WWC2: variants seen among roughly 807,000 people sequenced by gnomAD.
The protein encoded by WWC2 is WW and C2 domain containing 2.
Under a neutral mutation model 138.5 loss-of-function variants are expected in WWC2, and 101 were observed. The ratio of observed to expected loss-of-function variants is 0.73; its 90% CI spans 0.62 to 0.86. The LOEUF is 0.86. WWC2 is among the 40% of genes least tolerant of loss of function. WWC2 has a pLI of 0.00. For missense variants in WWC2, 1,420 were observed against 1,419.4 expected (o/e 1.00, Z -0.01); for synonymous variants, 558 against 538.4 (o/e 1.04, Z -0.50).
At chr4:183,269,671 A>T in intron 15 of WWC2, 1 of 359,044 alleles carries the variant, frequency 2.8e-6, no homozygotes, top group Non-Finnish European at 5.5e-6. Context: ...ATCCCCACAT[A>T]ATTACATAAT....
intron 1 of WWC2, among the ~76,000 whole-genome samples, chr4:183,156,552 G>T (rs1050035105): frequency 1.3e-5 from 2 of 151,730 alleles, no homozygotes; most frequent in African/African-American, 4.8e-5. Flanking sequence ...GACTGTTTTC[G>T]AACTCCTGAC....
At chr4:183,244,025 C>G (rs931193840) in intron 5 of WWC2, among the ~76,000 whole-genome samples, 1 of 151,886 alleles carries the variant, frequency 6.6e-6, no homozygotes, top group South Asian at 2.1e-4. Context: ...TCAGATTATA[C>G]CTTTCACATT....
At chr4:183,125,044 C>T (rs750224062) in intron 1 of WWC2, among the ~76,000 whole-genome samples, 13 of 152,154 alleles carry the variant, frequency 8.5e-5, no homozygotes, top group Admixed American at 3.9e-4. Context: ...GGAGGGGACC[C>T]GGGGCTATGA....
chr4:183,285,245 T>C (rs1355028846), intron 19 of WWC2, among the ~76,000 whole-genome samples: 1 of 152,118 alleles, frequency 6.6e-6, no homozygotes, highest in Non-Finnish European at 1.5e-5. Context: ...TCAGTAAAGA[T>C]TTGAAGCAGA....
intron 4 of WWC2, among the ~76,000 whole-genome samples, chr4:183,232,491 G>A (rs575471161): frequency 1.8e-4 from 27 of 152,172 alleles, no homozygotes; most frequent in African/African-American, 6.3e-4. Context: ...CGATGTGCCT[G>A]TTACAGACAT....
intron 4 of WWC2, among the ~76,000 whole-genome samples, chr4:183,211,983 G>A (rs1232004900): frequency 2.0e-5 from 3 of 151,830 alleles, no homozygotes; most frequent in South Asian, 2.1e-4. Flanking sequence ...CACCACGCCC[G>A]GCTAATTTTT....
intron 1 of WWC2, among the ~76,000 whole-genome samples, chr4:183,158,423 T>G (rs561794754): frequency 6.6e-6 from 1 of 151,796 alleles, no homozygotes; most frequent in East Asian, 2.0e-4. Flanking sequence ...GAGACCTGTC[T>G]CCTGGGCTTG....
chr4:183,109,691 G>A (rs1397726723), intron 1 of WWC2, among the ~76,000 whole-genome samples: 2 of 152,164 alleles, frequency 1.3e-5, no homozygotes, highest in African/African-American at 4.8e-5. Context: ...CTTCTGTGCG[G>A]CCCAGTTCCT....
At chr4:183,172,107 A>G (rs1385922760) in intron 1 of WWC2, among the ~76,000 whole-genome samples, 1 of 152,180 alleles carries the variant, frequency 6.6e-6, no homozygotes, top group Admixed American at 6.5e-5. Context: ...TGTGGCCAGA[A>G]TTATAAATCT....
intron 1 of WWC2, among the ~76,000 whole-genome samples, chr4:183,123,584 A>G (rs906607361): frequency 2.6e-5 from 4 of 152,180 alleles, no homozygotes; most frequent in African/African-American, 9.7e-5. Context: ...AAGGGGGTCT[A>G]TCCTGAAAGA....
chr4:183,148,789 G>T (rs914277214), intron 1 of WWC2, among the ~76,000 whole-genome samples: 1 of 152,170 alleles, frequency 6.6e-6, no homozygotes, highest in African/African-American at 2.4e-5. Flanking sequence ...GTGCCAGGGT[G>T]TCCCGAATGA....
At position 183,319,679 on chromosome 4, in the gene WWC2, C is replaced by T; in HGVS notation, c.*3950C>T. On this transcript the variant is annotated 3_prime_UTR_variant, in exon 23 of 23. Transcript: ENST00000403733. ...AGCAGGCTGCACAGTGGAGCAGACA[C>T]CCTCCTAGCAGAAGAGAAAGTCCAG... The T allele has an allele frequency of 6.2e-7, 1 of 1,614,064 alleles. No individual in the cohort carries two copies. The highest frequency in any genetic ancestry group is 1.1e-5 in the South Asian group (1 of 91,080).
chr4:183,130,314 T>A (rs1732883770), intron 1 of WWC2, among the ~76,000 whole-genome samples: 2 of 152,226 alleles, frequency 1.3e-5, no homozygotes, highest in African/African-American at 4.8e-5. Context: ...GGCCTCCCAG[T>A]GCTGGGATTA....
intron 4 of WWC2, among the ~76,000 whole-genome samples, chr4:183,213,925 TA>T (rs759954959): frequency 1.9e-3 from 266 of 142,766 alleles, no homozygotes; most frequent in East Asian, 2.2e-3. Context: ...CAATTGCCGT[TA>T]AAAAAAAAAA....
At chr4:183,282,119 C>G (rs1353761588) in intron 17 of WWC2, among the ~76,000 whole-genome samples, 1 of 152,174 alleles carries the variant, frequency 6.6e-6, no homozygotes, top group Non-Finnish European at 1.5e-5. Flanking sequence ...TCCTAGTACT[C>G]CTGCTTTATA....
chr4:183,313,129 G>A lies in WWC2; in HGVS notation c.3512+661G>A, dbSNP rs1739318702. On this transcript the variant is annotated intron_variant, in intron 22 of 22. Transcript: ENST00000403733. ...GCAGTTTTGAGTGGGACATTGAGGC[G>A]GGAAGAACAGCATGGACAGAGGCAC... Among the ~76,000 whole-genome samples, 2 of 152,236 alleles carry A rather than the reference G, an allele frequency of 1.3e-5. 1 individual carries two copies. The highest frequency in any genetic ancestry group is 4.1e-4 in the South Asian group (2 of 4,828).
chr4:183,241,526 C>T (rs1033906782), intron 5 of WWC2, among the ~76,000 whole-genome samples: 14 of 152,214 alleles, frequency 9.2e-5, no homozygotes, highest in African/African-American at 3.4e-4. Context: ...GACCCTGATA[C>T]TCCTTCAGAT....
chr4:183,135,843 C>T (rs547199022), intron 1 of WWC2, among the ~76,000 whole-genome samples: 8 of 152,270 alleles, frequency 5.3e-5, no homozygotes, highest in Non-Finnish European at 1.5e-5. Flanking sequence ...TATAGGCTGA[C>T]AGTTATTTTC....
chr4:183,149,827 A>G (rs980896943), intron 1 of WWC2, among the ~76,000 whole-genome samples: 12 of 152,152 alleles, frequency 7.9e-5, no homozygotes, highest in Admixed American at 7.2e-4. Context: ...GTTGATATCT[A>G]CTGTCTAGAT....
Sources: gnomAD v4.1 joint callset for allele counts (sites outside exome capture counted in the v4.1 genomes callset) on GRCh38, gnomAD v4.1.1 for gene constraint, MANE v1.5 for transcripts, NCBI Gene and HGNC (gene_info 2026-07-23, HGNC 2026-07-21) for gene names.